The following TSHZ2 variants were observed in gnomAD, a reference collection of about 807,000 sequenced individuals.
TSHZ2 encodes the protein teashirt zinc finger homeobox 2, also known as teashirt homolog 2.
A neutral mutation model predicts 74.4 loss-of-function variants in TSHZ2; 21 were observed. The ratio of observed to expected loss-of-function variants is 0.28; its 90% CI spans 0.20 to 0.41. The LOEUF (loss-of-function observed/expected upper bound fraction) is 0.41, where lower values mean the gene tolerates loss of function less well. TSHZ2 is among the 10% of genes least tolerant of loss of function. The pLI is 1.00. For synonymous variants in TSHZ2, 540 were observed against 515.3 expected (o/e 1.05, Z -0.65); for missense variants, 1,244 against 1,293.5 (o/e 0.96, Z 0.59).
At chr20:53,111,929 C>T (rs948564814) in intron 1 of TSHZ2, among the ~76,000 whole-genome samples, 2 of 152,150 alleles carry the variant, frequency 1.3e-5, no homozygotes, top group African/African-American at 4.8e-5. Flanking sequence ...GCAAGAGGCC[C>T]CACCTACCAT....
chr20:53,229,479 C>T (rs906600157), intron 1 of TSHZ2, among the ~76,000 whole-genome samples: 1 of 152,154 alleles, frequency 6.6e-6, no homozygotes, highest in African/African-American at 2.4e-5. Flanking sequence ...ATTGTGTGAT[C>T]GTATTTAATT....
intron 1 of TSHZ2, among the ~76,000 whole-genome samples, chr20:53,226,160 A>ACACG (rs199676007): frequency 4.4e-5 from 6 of 136,056 alleles, no homozygotes; most frequent in African/African-American, 1.6e-4. Context: ...ACACACACAC[A>ACACG]TGCACACAAA....
At chr20:53,280,025 T>A (rs1991024198) in intron 2 of TSHZ2, among the ~76,000 whole-genome samples, 4 of 152,204 alleles carry the variant, frequency 2.6e-5, no homozygotes, top group Admixed American at 2.6e-4. Flanking sequence ...GTGCAGGCCA[T>A]GGTAATGAGT....
intron 2 of TSHZ2, among the ~76,000 whole-genome samples, chr20:53,364,372 A>G: frequency 6.6e-6 from 1 of 152,370 alleles, no homozygotes; most frequent in East Asian, 1.9e-4. Flanking sequence ...CTTCCCGCTC[A>G]GCATGTTCAA....
chr20:53,342,496 G>A (rs1980248449), intron 2 of TSHZ2, among the ~76,000 whole-genome samples: 1 of 151,956 alleles, frequency 6.6e-6, no homozygotes, highest in Non-Finnish European at 1.5e-5. Context: ...TTCCACTGGG[G>A]GCAATGATTC....
intron 2 of TSHZ2, among the ~76,000 whole-genome samples, chr20:53,417,981 A>T (rs529089612): frequency 6.6e-6 from 1 of 152,302 alleles, no homozygotes; most frequent in South Asian, 2.1e-4. Flanking sequence ...ACATTCTAGT[A>T]AAAGGAGCAA....
intron 1 of TSHZ2, among the ~76,000 whole-genome samples, chr20:53,068,849 G>A (rs1263259613): frequency 6.6e-6 from 1 of 151,798 alleles, no homozygotes; most frequent in Non-Finnish European, 1.5e-5. Flanking sequence ...GCTTTGCAGA[G>A]GAATCTATTA....
intron 2 of TSHZ2, chr20:53,412,959 C>T (rs1983106724): frequency 6.6e-6 from 1 of 152,264 alleles, no homozygotes; most frequent in Non-Finnish European, 1.5e-5. Flanking sequence ...CTTCTTAACC[C>T]ACCCCCGGTA....
At position 53,064,689 on chromosome 20, in the gene TSHZ2, AAC is replaced by A. The variant is rs111943855; in HGVS notation, c.40+91374_40+91375del. ...AATAAATAAAAGACGTAGACAGAGA[AAC>A]ACACACACACACACACAATTGTGTG... On this transcript the variant is annotated intron_variant, in intron 1 of 2. Transcript: ENST00000371497. 2.6e-3 allele frequency among the ~76,000 whole-genome samples: 393 copies of A among 150,808 alleles called. 15 individuals carry two copies. In the East Asian group the frequency reaches 0.071, roughly 27 times the overall value.
chr20:53,164,343 G>A (rs1486448760), intron 1 of TSHZ2, among the ~76,000 whole-genome samples: 1 of 151,002 alleles, frequency 6.6e-6, no homozygotes, highest in East Asian at 1.9e-4. Context: ...CTTTTATTTT[G>A]ATTATTGACA....
chr20:53,043,120 T>C (rs987625085), intron 1 of TSHZ2, among the ~76,000 whole-genome samples: 9 of 152,204 alleles, frequency 5.9e-5, no homozygotes, highest in Non-Finnish European at 1.0e-4. Context: ...AGTTAGCATC[T>C]ATGTCTGCAT....
chr20:53,311,803 C>A (rs756821244), intron 2 of TSHZ2, among the ~76,000 whole-genome samples: 3 of 152,188 alleles, frequency 2.0e-5, no homozygotes, highest in Non-Finnish European at 4.4e-5. Context: ...TACCTGTAGT[C>A]AGGCATGGTG....
intron 1 of TSHZ2, among the ~76,000 whole-genome samples, chr20:53,150,191 C>A (rs1175915362): frequency 6.6e-6 from 1 of 152,166 alleles, no homozygotes; most frequent in African/African-American, 2.4e-5. Context: ...CACTTCTTGG[C>A]AAAGCTGGGA....
chr20:53,014,570 C>T (rs1982969511), intron 1 of TSHZ2, among the ~76,000 whole-genome samples: 1 of 152,116 alleles, frequency 6.6e-6, no homozygotes, highest in Non-Finnish European at 1.5e-5. Context: ...GTGCTCTCTG[C>T]CCTGCCTCAA....
intron 1 of TSHZ2, among the ~76,000 whole-genome samples, chr20:53,241,888 C>G (rs931598948): frequency 6.6e-6 from 1 of 152,166 alleles, no homozygotes; most frequent in Non-Finnish European, 1.5e-5. Flanking sequence ...AGACCTTGTT[C>G]TCTTCCATCC....
Position 53,253,554 on chromosome 20 carries a change from G to A in TSHZ2, c.96G>A (p.Glu32=), listed in dbSNP as rs1282018436. The change falls in exon 2 of 3, where the codon GAG becomes GAA. Residue 32 remains glutamate (E), a synonymous_variant. Transcript: ENST00000371497. ...AGGAGGAAATAAAAGAAGAGGAGGA[G>A]GAGGAGGACAGCGGTTCAGTAGCTC... ...KEEEEIKEEE[E]EEDSGSVAQL... 6.2e-7 allele frequency: 1 copy of A among 1,613,686 alleles called. No homozygotes were observed. The highest frequency in any genetic ancestry group is 8.5e-7 in the Non-Finnish European group (1 of 1,179,852).
chr20:53,427,870 C>T (rs964390032), intron 2 of TSHZ2, among the ~76,000 whole-genome samples: 63 of 152,284 alleles, frequency 4.1e-4, no homozygotes, highest in African/African-American at 1.4e-3. Flanking sequence ...CCTCACCCAG[C>T]ATTGATGGTC....
intron 2 of TSHZ2, among the ~76,000 whole-genome samples, chr20:53,309,347 A>C (rs762080005): frequency 6.6e-6 from 1 of 152,138 alleles, no homozygotes; most frequent in Non-Finnish European, 1.5e-5. Context: ...CTCCCACCCC[A>C]CTTCTATACC....
chr20:53,090,942 C>A (rs1448367532), intron 1 of TSHZ2, among the ~76,000 whole-genome samples: 1 of 152,012 alleles, frequency 6.6e-6, no homozygotes, highest in Non-Finnish European at 1.5e-5. Context: ...ATATTTAATT[C>A]AAATAATAAA....
Sources: gnomAD v4.1 joint callset for allele counts (sites outside exome capture counted in the v4.1 genomes callset) on GRCh38, gnomAD v4.1.1 for gene constraint, MANE v1.5 for transcripts, NCBI Gene and HGNC (gene_info 2026-07-23, HGNC 2026-07-21) for gene names.